The following SMIM10L1 variants were observed in gnomAD, a reference collection of about 807,000 sequenced individuals.
SMIM10L1 encodes small integral membrane protein 10 like 1, also known as small integral membrane protein 10-like protein 1.
SMIM10L1 carries 6 observed loss-of-function variants against 4.5 expected under a neutral mutation model. The ratio of observed to expected loss-of-function variants is 1.33; its 90% CI spans 0.73 to 2.62. The LOEUF (loss-of-function observed/expected upper bound fraction) is 2.62, where lower values mean the gene tolerates loss of function less well. SMIM10L1 is among the 30% of genes most tolerant of loss of function. SMIM10L1 has a pLI of 0.00. For synonymous variants in SMIM10L1, 49 were observed against 42.2 expected, an observed-to-expected ratio of 1.16 and a Z score of -0.63; for missense variants, 66 against 86.2, an observed-to-expected ratio of 0.77 and a Z score of 0.93.
rs1358978364 is a variant in SMIM10L1, at chr12:11,173,928, GTATA to G, written c.*2369_*2372del. 6.6e-5 allele frequency: 10 copies of G among 150,776 alleles called. No individual in the cohort carries two copies. The highest frequency in any genetic ancestry group is 2.0e-4 in the East Asian group (1 of 5,128). 9.3% of individuals were successfully genotyped at this position (150,776 alleles called of 1,614,324 possible). A position where few individuals can be genotyped will look rare whatever the true frequency, so the allele number is the denominator to read the frequency against. On this transcript the variant is annotated 3_prime_UTR_variant, in exon 1 of 1. Transcript: ENST00000622602. ...ATAAATTTAAGTAGTAACTATATAT[GTATA>G]TATGTATAGTTACTACTTACTATAT...
rs971100478 is a variant in SMIM10L1, at chr12:11,171,884, A to G, written c.*321A>G. On this transcript the variant is annotated 3_prime_UTR_variant, in exon 1 of 1. Transcript: ENST00000622602. ...CAGAGGATGCATTATTTCAAAACAA[A>G]ACAGAAGGCTAAAATTTGCAGGAAA... 1.0e-4 allele frequency: 21 copies of G among 208,726 alleles called. No individual in the cohort carries two copies. Among genetic ancestry groups the G allele is most frequent in the Non-Finnish European group, 5.7e-5 (6 of 105,826 alleles). 12.9% of individuals were successfully genotyped at this position (208,726 alleles called of 1,614,324 possible). A position where few individuals can be genotyped will look rare whatever the true frequency, so the allele number is the denominator to read the frequency against.
chr12:11,173,820 A>T lies in SMIM10L1; in HGVS notation c.*2257A>T, dbSNP rs182144913. On this transcript the variant is annotated 3_prime_UTR_variant, in exon 1 of 1. Transcript: ENST00000622602. ...AATTGGCAGCTCTGTGAGGGAAGAC[A>T]CTATATCCTATTCAATTTTACACCC... The T allele has an allele frequency of 6.6e-6, 1 of 152,010 alleles. No individual in the cohort carries two copies. Among genetic ancestry groups the T allele is most frequent in the African/African-American group, 2.4e-5 (1 of 41,388 alleles). The allele number at this position is 152,010 out of a possible 1,614,324, so 9.4% of individuals were successfully genotyped here.
chr12:11,171,223 G>A lies in SMIM10L1; in HGVS notation c.-134G>A, dbSNP rs1214568871. 3.4e-5 allele frequency: 17 copies of A among 494,068 alleles called. No individual in the cohort carries two copies. The highest frequency in any genetic ancestry group is 5.1e-5 in the Non-Finnish European group (16 of 314,450). 30.6% of individuals were successfully genotyped at this position (494,068 alleles called of 1,614,324 possible). On this transcript the variant is annotated 5_prime_UTR_variant, in exon 1 of 1. Transcript: ENST00000622602. ...ACGCGCCGCACTGCACCGAGCGGCG[G>A]CAGCGGCAAGCTTGGGTGTGAGCCC...
Position 11,171,371 on chromosome 12 carries a change from G to A in SMIM10L1, c.15G>A (p.Ala5=). MAPA[A]APSSLAVRAS... ...ACACCTGGCTCATGGCCCCCGCGGC[G>A]GCTCCGTCCTCCTTGGCCGTCAGGG... Residue 5 remains alanine (A), a synonymous_variant, in exon 1 of 1, where the codon GCG becomes GCA. Transcript: ENST00000622602. The A allele has an allele frequency of 1.6e-6, 2 of 1,231,858 alleles. No homozygotes were observed. Among genetic ancestry groups the A allele is most frequent in the South Asian group, 4.1e-5 (1 of 24,314 alleles). 76.3% of individuals were successfully genotyped at this position (1,231,858 alleles called of 1,614,324 possible). A position where few individuals can be genotyped will look rare whatever the true frequency, so the allele number is the denominator to read the frequency against.
At position 11,173,788 on chromosome 12, in the gene SMIM10L1, C is replaced by T. The variant is rs1040838430; in HGVS notation, c.*2225C>T. 2.0e-5 allele frequency: 3 copies of T among 151,970 alleles called. No individual in the cohort carries two copies. Among genetic ancestry groups the T allele is most frequent in the African/African-American group, 7.2e-5 (3 of 41,384 alleles). 9.4% of individuals were successfully genotyped at this position (151,970 alleles called of 1,614,324 possible). ...ACAGACTTTGTATTTATTACATCCT[C>T]CAACATAATTGGCAGCTCTGTGAGG... is the stretch of plus-strand genomic sequence containing the variant. On this transcript the variant is annotated 3_prime_UTR_variant, in exon 1 of 1. Coordinates refer to ENST00000622602, the MANE Select transcript of SMIM10L1 (RefSeq NM_001271592.2).
Position 11,172,442 on chromosome 12 carries a change from G to GA in SMIM10L1, c.*882dup, listed in dbSNP as rs1459429552. ...ATGGGGGTTATGTCCTTATAAAGTG[G>GA]AAACTTGAAAGGTACTGTCTGTTGT... On this transcript the variant is annotated 3_prime_UTR_variant, in exon 1 of 1. Coordinates refer to ENST00000622602, the MANE Select transcript of SMIM10L1 (RefSeq NM_001271592.2). 6.6e-6 allele frequency: 1 copy of GA among 152,202 alleles called. No individual in the cohort carries two copies. The highest frequency in any genetic ancestry group is 2.4e-5 in the African/African-American group (1 of 41,446). The allele number at this position is 152,202 out of a possible 1,614,324, so 9.4% of individuals were successfully genotyped here. A position where few individuals can be genotyped will look rare whatever the true frequency, so the allele number is the denominator to read the frequency against.
rs1456574854 is a variant in SMIM10L1, at chr12:11,173,992, C to G, written c.*2429C>G. The G allele has an allele frequency of 6.6e-6, 1 of 151,142 alleles. No individual in the cohort carries two copies. The highest frequency in any genetic ancestry group is 1.5e-5 in the Non-Finnish European group (1 of 67,822). The allele number at this position is 151,142 out of a possible 1,614,324, so 9.4% of individuals were successfully genotyped here. A position where few individuals can be genotyped will look rare whatever the true frequency, so the allele number is the denominator to read the frequency against. Reference sequence around the variant, plus strand: ...GTATATAAGTATATATGTATAGTTACTACTTACAATATATGCATAAAGTTA... The same window carrying G: ...GTATATAAGTATATATGTATAGTTAGTACTTACAATATATGCATAAAGTTA... On this transcript the variant is annotated 3_prime_UTR_variant, in exon 1 of 1. Transcript: ENST00000622602.
chr12:11,172,729 CAG>C lies in SMIM10L1; in HGVS notation c.*1168_*1169del, dbSNP rs1276068255. 1.3e-5 allele frequency: 2 copies of C among 152,102 alleles called. No homozygotes were observed. The highest frequency in any genetic ancestry group is 1.9e-4 in the East Asian group (1 of 5,174). 9.4% of individuals were successfully genotyped at this position (152,102 alleles called of 1,614,324 possible). ...TGCATATTTTTCAAAATTAAGAAAACAGAACATATAATTTTGAACGCTGAGAA... is the reference window on the plus strand; with the variant it reads ...TGCATATTTTTCAAAATTAAGAAAACAACATATAATTTTGAACGCTGAGAA... On this transcript the variant is annotated 3_prime_UTR_variant, in exon 1 of 1. Transcript: ENST00000622602.
In SMIM10L1 at chr12:11,174,427, C is replaced by T. The variant is rs976463104; in HGVS notation, c.*2864C>T. 5.3e-5 allele frequency: 8 copies of T among 152,050 alleles called. No homozygotes were observed. The highest frequency in any genetic ancestry group is 1.9e-4 in the African/African-American group (8 of 41,394). 9.4% of individuals were successfully genotyped at this position (152,050 alleles called of 1,614,324 possible). On this transcript the variant is annotated 3_prime_UTR_variant, in exon 1 of 1. Coordinates refer to ENST00000622602, the MANE Select transcript of SMIM10L1 (RefSeq NM_001271592.2). ...GCAGTCAATAAAGGAAACATATATTCGTTCCTGATAATAAGATGATTCACT... is the reference window on the plus strand; with the variant it reads ...GCAGTCAATAAAGGAAACATATATTTGTTCCTGATAATAAGATGATTCACT...
At position 11,175,392 on chromosome 12, in the gene SMIM10L1, T is replaced by C. The variant is rs930231902; in HGVS notation, c.*3829T>C. On this transcript the variant is annotated 3_prime_UTR_variant, in exon 1 of 1. Transcript: ENST00000622602. ...TGCAGTTTGCTTTTAATGGGAGATC[T>C]TTCTGGCAGGACATCAATAGCTTTT... 1 of 152,188 alleles carries C rather than the reference T, an allele frequency of 6.6e-6. No individual in the cohort carries two copies. Among genetic ancestry groups the C allele is most frequent in the African/African-American group, 2.4e-5 (1 of 41,450 alleles). The allele number at this position is 152,188 out of a possible 1,614,324, so 9.4% of individuals were successfully genotyped here.
In SMIM10L1 at chr12:11,175,456, A is replaced by G. The variant is rs1305202829; in HGVS notation, c.*3893A>G. On this transcript the variant is annotated 3_prime_UTR_variant, in exon 1 of 1. Transcript: ENST00000622602. ...AGAAAATAAAGTTACATGCAGAAGC[A>G]TAAAGGGGTAGGATGAAAGTTGAGG... is the stretch of plus-strand genomic sequence containing the variant. The G allele has an allele frequency of 2.0e-5, 3 of 152,226 alleles. No homozygotes were observed. Among genetic ancestry groups the G allele is most frequent in the Non-Finnish European group, 2.9e-5 (2 of 68,044 alleles). The allele number at this position is 152,226 out of a possible 1,614,324, so 9.4% of individuals were successfully genotyped here.
In SMIM10L1 at chr12:11,171,365, C is replaced by T; in HGVS notation, c.9C>T (p.Pro3=). ...GCGGCGACACCTGGCTCATGGCCCC[C>T]GCGGCGGCTCCGTCCTCCTTGGCCG... MA[P]AAAPSSLAVR... Residue 3 remains proline, a synonymous_variant, in exon 1 of 1, where the codon CCC becomes CCT. Coordinates refer to ENST00000622602, the MANE Select transcript of SMIM10L1 (RefSeq NM_001271592.2). The T allele has an allele frequency of 3.2e-6, 4 of 1,231,810 alleles. No homozygotes were observed. In the South Asian group the frequency reaches 1.6e-4, roughly 51 times the overall value. 76.3% of individuals were successfully genotyped at this position (1,231,810 alleles called of 1,614,324 possible). A position where few individuals can be genotyped will look rare whatever the true frequency, so the allele number is the denominator to read the frequency against.
In SMIM10L1 at chr12:11,174,956, C is replaced by T. The variant is rs1947927584; in HGVS notation, c.*3393C>T. On this transcript the variant is annotated 3_prime_UTR_variant, in exon 1 of 1. Transcript: ENST00000622602. ...GACCTCAAATGAATCTCCAGTAATT[C>T]CTAAAGTTATATTTCATAAGGAGTT... 6.6e-6 allele frequency: 1 copy of T among 152,254 alleles called. No individual in the cohort carries two copies. The highest frequency in any genetic ancestry group is 6.6e-5 in the Admixed American group (1 of 15,256). 9.4% of individuals were successfully genotyped at this position (152,254 alleles called of 1,614,324 possible).
Position 11,172,373 on chromosome 12 carries a change from A to T in SMIM10L1, c.*810A>T, listed in dbSNP as rs1397687282. The T allele has an allele frequency of 1.3e-5, 2 of 152,256 alleles. No homozygotes were observed. The highest frequency in any genetic ancestry group is 3.8e-4 in the East Asian group (2 of 5,202). The allele number at this position is 152,256 out of a possible 1,614,324, so 9.4% of individuals were successfully genotyped here. On this transcript the variant is annotated 3_prime_UTR_variant, in exon 1 of 1. Transcript: ENST00000622602. ...CCATGTTTTAAAAATACAGCCGGAA[A>T]ATACAAGTGGGAATGTTGAAGGAGG...
chr12:11,171,723 G>C lies in SMIM10L1; in HGVS notation c.*160G>C. Reference sequence around the variant, plus strand: ...CTTAGCTGCTAGCGGAGCTCCTCAGGGGGCGGCCGGGAGCCTACAATCCCT... The same window carrying C: ...CTTAGCTGCTAGCGGAGCTCCTCAGCGGGCGGCCGGGAGCCTACAATCCCT... On this transcript the variant is annotated 3_prime_UTR_variant, in exon 1 of 1. Transcript: ENST00000622602. 2 of 448,182 alleles carry C rather than the reference G, an allele frequency of 4.5e-6. No individual in the cohort carries two copies. Among genetic ancestry groups the C allele is most frequent in the Non-Finnish European group, 7.3e-6 (2 of 273,124 alleles). 27.8% of individuals were successfully genotyped at this position (448,182 alleles called of 1,614,324 possible).
rs960239808 is a variant in SMIM10L1, at chr12:11,171,863, G to A, written c.*300G>A. On this transcript the variant is annotated 3_prime_UTR_variant, in exon 1 of 1. Coordinates refer to ENST00000622602, the MANE Select transcript of SMIM10L1 (RefSeq NM_001271592.2). ...ATTTCAGAATGTGACAAAGCGCAGA[G>A]GATGCATTATTTCAAAACAAAACAG... 1 of 257,184 alleles carries A rather than the reference G, an allele frequency of 3.9e-6. No individual in the cohort carries two copies. The highest frequency in any genetic ancestry group is 7.2e-5 in the East Asian group (1 of 13,862). 15.9% of individuals were successfully genotyped at this position (257,184 alleles called of 1,614,324 possible). A position where few individuals can be genotyped will look rare whatever the true frequency, so the allele number is the denominator to read the frequency against.
In SMIM10L1 at chr12:11,172,810, A is replaced by C. The variant is rs1592145023; in HGVS notation, c.*1247A>C. ...ACACGGTATACCTCAACTGTGAATA[A>C]TAGTAGTCATGTAAAGTCAGTCATA... On this transcript the variant is annotated 3_prime_UTR_variant, in exon 1 of 1. Transcript: ENST00000622602. The C allele has an allele frequency of 6.6e-6, 1 of 152,360 alleles. No individual in the cohort carries two copies. Among genetic ancestry groups the C allele is most frequent in the Non-Finnish European group, 1.5e-5 (1 of 68,038 alleles). The allele number at this position is 152,360 out of a possible 1,614,324, so 9.4% of individuals were successfully genotyped here.
Position 11,173,893 on chromosome 12 carries a change from A to G in SMIM10L1, c.*2330A>G, listed in dbSNP as rs905233443. 1.3e-5 allele frequency: 2 copies of G among 151,720 alleles called. No individual in the cohort carries two copies. The highest frequency in any genetic ancestry group is 2.1e-4 in the South Asian group (1 of 4,814). The allele number at this position is 151,720 out of a possible 1,614,324, so 9.4% of individuals were successfully genotyped here. ...ACTGTATATATACATATATATATAC[A>G]TACACATATATAAATTTAAGTAGTA... On this transcript the variant is annotated 3_prime_UTR_variant, in exon 1 of 1. Transcript: ENST00000622602.
Position 11,175,081 on chromosome 12 carries a change from A to G in SMIM10L1, c.*3518A>G, listed in dbSNP as rs961194578. 6.6e-6 allele frequency: 1 copy of G among 152,122 alleles called. No homozygotes were observed. Among genetic ancestry groups the G allele is most frequent in the Non-Finnish European group, 1.5e-5 (1 of 68,006 alleles). The allele number at this position is 152,122 out of a possible 1,614,324, so 9.4% of individuals were successfully genotyped here. On this transcript the variant is annotated 3_prime_UTR_variant, in exon 1 of 1. Transcript: ENST00000622602. ...AATAGTTATTTTTTTTAACATAACTATTGAGGGTCTTTCATACTAAAATAT... is the reference window on the plus strand; with the variant it reads ...AATAGTTATTTTTTTTAACATAACTGTTGAGGGTCTTTCATACTAAAATAT...
Sources: allele counts gnomAD v4.1 joint callset, GRCh38; gene constraint gnomAD v4.1.1; transcripts MANE v1.5; gene names NCBI Gene and HGNC (gene_info 2026-07-23, HGNC 2026-07-21).